The following SLC25A48 variants were observed in gnomAD, a reference collection of about 807,000 sequenced individuals.
SLC25A48 encodes CTC-321K16.1.
A neutral mutation model predicts 32.2 loss-of-function variants in SLC25A48; 29 were observed. The ratio of observed to expected loss-of-function variants is 0.90; its 90% CI spans 0.67 to 1.23. The LOEUF (loss-of-function observed/expected upper bound fraction) is 1.23. Among genes scored for constraint, SLC25A48 ranks in the 50% most tolerant of loss-of-function variants. The probability of loss-of-function intolerance (pLI) is 0.00; values close to 1 mark genes in which losing one functional copy is unlikely to be tolerated. For missense variants in SLC25A48, 399 were observed against 422.7 expected, an observed-to-expected ratio of 0.94 and a Z score of 0.49; for synonymous variants, 164 against 172.3, an observed-to-expected ratio of 0.95 and a Z score of 0.38.
At chr5:135,683,569 G>C (rs1753948310) in intron 3 of SLC25A48, among the ~76,000 whole-genome samples, 1 of 152,180 alleles carries the variant, frequency 6.6e-6, no homozygotes, top group East Asian at 1.9e-4. Context: ...ATCTAGAAAA[G>C]CACACCCCTA....
At chr5:135,795,056 A>T (rs1757134201) in intron 3 of SLC25A48, among the ~76,000 whole-genome samples, 1 of 151,780 alleles carries the variant, frequency 6.6e-6, no homozygotes, top group Admixed American at 6.6e-5. Flanking sequence ...TATTGTTTGT[A>T]ATCTCCAGGA....
intron 3 of SLC25A48, among the ~76,000 whole-genome samples, chr5:135,749,370 C>T (rs575270190): frequency 3.3e-5 from 5 of 151,816 alleles, no homozygotes; most frequent in Non-Finnish European, 5.9e-5. Context: ...CCCAGCCAAA[C>T]CCCCATCTCA....
At chr5:135,779,529 C>A (rs1290773069) in intron 3 of SLC25A48, among the ~76,000 whole-genome samples, 1 of 121,004 alleles carries the variant, frequency 8.3e-6, no homozygotes, top group African/African-American at 2.5e-5. Context: ...TACATGCCCC[C>A]CTGTGATATT....
intron 2 of SLC25A48, among the ~76,000 whole-genome samples, chr5:135,844,309 T>C (rs1216253356): frequency 1.3e-5 from 2 of 152,168 alleles, no homozygotes; most frequent in African/African-American, 4.8e-5. Flanking sequence ...GGGCTGGGCC[T>C]TGGGGAGACT....
chr5:135,601,412 A>G (rs1580714110), intron 1 of SLC25A48, among the ~76,000 whole-genome samples: 1 of 152,146 alleles, frequency 6.6e-6, no homozygotes, highest in African/African-American at 2.4e-5. Flanking sequence ...CCTTTCCTTA[A>G]TTCTCACCTT....
intron 3 of SLC25A48, among the ~76,000 whole-genome samples, chr5:135,746,864 G>A (rs1755653264): frequency 6.6e-6 from 1 of 151,846 alleles, no homozygotes; most frequent in African/African-American, 2.4e-5. Context: ...CTTTTTTTAG[G>A]GGGAGTCTCA....
At chr5:135,815,525 G>C (rs1757694250) in intron 4 of SLC25A48, among the ~76,000 whole-genome samples, 1 of 152,204 alleles carries the variant, frequency 6.6e-6, no homozygotes, top group Non-Finnish European at 1.5e-5. Flanking sequence ...GTAAGGAAGA[G>C]CATCAACCAC....
At chr5:135,843,514 C>T (rs1262260177) in intron 2 of SLC25A48, among the ~76,000 whole-genome samples, 2 of 152,276 alleles carry the variant, frequency 1.3e-5, no homozygotes, top group Admixed American at 6.5e-5. Context: ...ACAACAGATG[C>T]ACAAATCAGT....
chr5:135,637,394 G>A (rs943115139), intron 3 of SLC25A48, among the ~76,000 whole-genome samples: 4 of 152,052 alleles, frequency 2.6e-5, no homozygotes, highest in Admixed American at 6.6e-5. Context: ...TCTTGGAAAG[G>A]AAAGTTCGAG....
At chr5:135,601,599 C>T (rs544339896) in intron 1 of SLC25A48, among the ~76,000 whole-genome samples, 18 of 152,198 alleles carry the variant, frequency 1.2e-4, no homozygotes, top group African/African-American at 1.9e-4. Context: ...ACTCCCTTTC[C>T]TCCCCAAGCT....
At chr5:135,668,311 C>G (rs994512173) in intron 3 of SLC25A48, among the ~76,000 whole-genome samples, 4 of 152,182 alleles carry the variant, frequency 2.6e-5, no homozygotes, top group African/African-American at 9.7e-5. Flanking sequence ...TTTATATACG[C>G]AGCAAAGTTA....
intron 3 of SLC25A48, among the ~76,000 whole-genome samples, chr5:135,656,951 C>G (rs1753265991): frequency 6.6e-6 from 1 of 152,074 alleles, no homozygotes; most frequent in Non-Finnish European, 1.5e-5. Flanking sequence ...CTGAAGCCAC[C>G]CAGTTAGTGA....
chr5:135,734,119 T>C (rs968256986), intron 3 of SLC25A48, among the ~76,000 whole-genome samples: 1 of 152,050 alleles, frequency 6.6e-6, no homozygotes, highest in Admixed American at 6.6e-5. Flanking sequence ...GATACTGGCA[T>C]TGAGCGGGGT....
chr5:135,787,882 A>G (rs1362413886), intron 3 of SLC25A48, among the ~76,000 whole-genome samples: 1 of 151,814 alleles, frequency 6.6e-6, no homozygotes, highest in East Asian at 1.9e-4. Flanking sequence ...CAAAGGGTGT[A>G]CACCTTGTGA....
At chr5:135,737,811 C>A (rs990494667) in intron 3 of SLC25A48, among the ~76,000 whole-genome samples, 2 of 152,160 alleles carry the variant, frequency 1.3e-5, no homozygotes, top group Non-Finnish European at 2.9e-5. Flanking sequence ...TAGTTTCTTG[C>A]CTTCCTCTTC....
Position 135,888,562 on chromosome 5 carries a change from T to C in SLC25A48, c.*538T>C, listed in dbSNP as rs1411818461. Reference sequence around the variant, plus strand: ...GTGCGTGCTCCTCACTGTGCACTTATTAGTGTCTGTTGAGTGATTAAATCA... The same window carrying C: ...GTGCGTGCTCCTCACTGTGCACTTACTAGTGTCTGTTGAGTGATTAAATCA... On this transcript the variant is annotated 3_prime_UTR_variant, in exon 8 of 8. Coordinates refer to ENST00000681962, the MANE Select transcript of SLC25A48 (RefSeq NM_001349336.2). 6.5e-6 allele frequency: 1 copy of C among 154,684 alleles called. No individual in the cohort carries two copies. The highest frequency in any genetic ancestry group is 1.4e-5 in the Non-Finnish European group (1 of 69,762). 9.6% of individuals were successfully genotyped at this position (154,684 alleles called of 1,614,324 possible). A position where few individuals can be genotyped will look rare whatever the true frequency, so the allele number is the denominator to read the frequency against.
At chr5:135,755,359 C>G (rs1580844651) in intron 3 of SLC25A48, among the ~76,000 whole-genome samples, 1 of 151,940 alleles carries the variant, frequency 6.6e-6, no homozygotes, top group East Asian at 1.9e-4. Flanking sequence ...TGAAATATCA[C>G]TGTGGTATTC....
chr5:135,865,822 G>A (rs1025885839), intron 4 of SLC25A48, among the ~76,000 whole-genome samples: 1 of 152,158 alleles, frequency 6.6e-6, no homozygotes, highest in Non-Finnish European at 1.5e-5. Flanking sequence ...CCAACCCATC[G>A]AACAGCAGCT....
chr5:135,653,092 G>T (rs1046299049), intron 3 of SLC25A48, among the ~76,000 whole-genome samples: 1 of 152,194 alleles, frequency 6.6e-6, no homozygotes, highest in Non-Finnish European at 1.5e-5. Flanking sequence ...GGAAGACATA[G>T]CAAGAAGGCC....
Sources: allele counts gnomAD v4.1 joint callset (sites outside exome capture counted in the v4.1 genomes callset), GRCh38; gene constraint gnomAD v4.1.1; transcripts MANE v1.5; gene names NCBI Gene and HGNC (gene_info 2026-07-23, HGNC 2026-07-21).